The following PRKG1 variants were observed in gnomAD, a reference collection of about 807,000 sequenced individuals.
PRKG1 encodes cGMP-dependent protein kinase 1.
PRKG1 carries 35 observed loss-of-function variants against 88.1 expected under a neutral mutation model. That is an observed-to-expected ratio of 0.40 (90% CI 0.30 to 0.53). The LOEUF (loss-of-function observed/expected upper bound fraction) is 0.53, where lower values mean the gene tolerates loss of function less well. Ranked by LOEUF, PRKG1 falls within the 20% of genes least tolerant of loss-of-function variation. The probability of loss-of-function intolerance (pLI) is 0.59; values close to 1 mark genes in which losing one functional copy is unlikely to be tolerated. For missense variants in PRKG1, 540 were observed against 839.8 expected (o/e 0.64, Z 4.41); for synonymous variants, 303 against 292.5 (o/e 1.04, Z -0.37).
intron 4 of PRKG1, among the ~76,000 whole-genome samples, chr10:51,902,079 A>C (rs1201666957): frequency 2.0e-5 from 3 of 151,982 alleles, no homozygotes; most frequent in African/African-American, 7.2e-5. Flanking sequence ...TCTATTCTTA[A>C]ATTAAGAAAA....
At position 51,996,198 on chromosome 10, in the gene PRKG1, C is replaced by T. The variant is rs182497820; in HGVS notation, c.763-58286C>T. ...CACGTGGTGGCGCATGCCTGTAGTC[C>T]CAGCTACTCAGGAGGCTTTGACAGG... On this transcript the variant is annotated intron_variant, in intron 5 of 17. Coordinates refer to ENST00000373980, the MANE Select transcript of PRKG1 (RefSeq NM_006258.4). Among the ~76,000 whole-genome samples, 11 of 151,394 alleles carry T rather than the reference C, an allele frequency of 7.3e-5. 1 individual carries two copies. In the East Asian group the frequency reaches 2.1e-3, roughly 30 times the overall value.
At chr10:51,092,153 G>A (rs1242606049) in intron 1 of PRKG1, among the ~76,000 whole-genome samples, 1 of 152,170 alleles carries the variant, frequency 6.6e-6, no homozygotes, top group African/African-American at 2.4e-5. Flanking sequence ...TGATCAGAGA[G>A]CTGTTTGTGA....
At chr10:52,065,069 G>A (rs1201261113) in intron 7 of PRKG1, among the ~76,000 whole-genome samples, 1 of 152,128 alleles carries the variant, frequency 6.6e-6, no homozygotes, top group African/African-American at 2.4e-5. Flanking sequence ...AAGACATCAA[G>A]AAGCAAGCAC....
intron 2 of PRKG1, among the ~76,000 whole-genome samples, chr10:51,348,848 T>A (rs1041120990): frequency 6.6e-6 from 1 of 152,226 alleles, no homozygotes; most frequent in Admixed American, 6.5e-5. Context: ...TGAGTTTCCC[T>A]GATTTGTGTA....
At chr10:51,477,717 G>C (rs137883550) in intron 3 of PRKG1, among the ~76,000 whole-genome samples, 1 of 151,978 alleles carries the variant, frequency 6.6e-6, no homozygotes, top group Admixed American at 6.6e-5. Flanking sequence ...GAAATAATCT[G>C]GAAGGGAGTT....
chr10:51,697,613 G>A, intron 3 of PRKG1: 1 of 1,265,112 alleles, frequency 7.9e-7, no homozygotes. Flanking sequence ...ATCCAAGTGT[G>A]GGGATACAGA....
In PRKG1 at chr10:52,288,798, T is replaced by A; in HGVS notation, c.1782T>A (p.Phe594Leu). The A allele has an allele frequency of 3.7e-6, 6 of 1,607,858 alleles. No individual in the cohort carries two copies. Among genetic ancestry groups the A allele is most frequent in the Non-Finnish European group, 5.1e-6 (6 of 1,177,336 alleles). ...IILRGIDMIEFPKKIAKNAAN... is the reference protein window; with the variant it reads ...IILRGIDMIELPKKIAKNAAN... ...TGAGGGGGATTGACATGATAGAATT[T>A]CCAAAGAAGATTGCCAAAAATGCTG... The change falls in exon 15 of 18, where the codon TTT becomes TTA. Residue 594 changes from phenylalanine (F) to leucine (L), a missense_variant. This residue lies in a region of PRKG1 where 97 missense variants were observed against 210.6 expected (regional missense o/e 0.46). Coordinates refer to ENST00000373980, the MANE Select transcript of PRKG1 (RefSeq NM_006258.4).
At position 52,222,000 on chromosome 10, in the gene PRKG1, T is replaced by A. The variant is rs180835923; in HGVS notation, c.1077-29570T>A. On this transcript the variant is annotated intron_variant, in intron 9 of 17. Coordinates refer to ENST00000373980, the MANE Select transcript of PRKG1 (RefSeq NM_006258.4). ...GATGGGTAAATATCATTGATTTATGTTGGGCTTTGGAGTCGGTAAGGGTGG... is the reference window on the plus strand; with the variant it reads ...GATGGGTAAATATCATTGATTTATGATGGGCTTTGGAGTCGGTAAGGGTGG... 2.1e-3 allele frequency among the ~76,000 whole-genome samples: 322 copies of A among 152,298 alleles called. 2 individuals are homozygous for A. The highest frequency in any genetic ancestry group is 2.0e-3 in the Non-Finnish European group (139 of 68,014).
intron 5 of PRKG1, among the ~76,000 whole-genome samples, chr10:51,961,691 A>G (rs1843452135): frequency 6.6e-6 from 1 of 152,158 alleles, no homozygotes; most frequent in African/African-American, 2.4e-5. Context: ...CCTCCCTCCC[A>G]CAAGCTGTTA....
chr10:51,432,608 A>G (rs1341063529), intron 2 of PRKG1, among the ~76,000 whole-genome samples: 5 of 152,170 alleles, frequency 3.3e-5, no homozygotes, highest in Admixed American at 3.3e-4. Context: ...AAGTGGCAAT[A>G]GTCGCTGGAA....
In PRKG1 at chr10:51,586,110, T is replaced by C. The variant is rs180770572; in HGVS notation, c.592+118274T>C. 1.2e-4 allele frequency among the ~76,000 whole-genome samples: 18 copies of C among 152,138 alleles called. No homozygotes were observed. In the East Asian group the frequency reaches 2.5e-3, roughly 21 times the overall value. The stretch of plus-strand genomic sequence containing the variant: ...TACCCATTTTACAAACCTGCACATA[T>C]ACCTTCTGAATCAAAAATAAATGTT... On this transcript the variant is annotated intron_variant, in intron 3 of 17. Transcript: ENST00000373980.
intron 3 of PRKG1, among the ~76,000 whole-genome samples, chr10:51,700,549 A>C (rs1841439426): frequency 6.6e-6 from 1 of 152,180 alleles, no homozygotes; most frequent in South Asian, 2.1e-4. Flanking sequence ...CTTTGCAGGT[A>C]GGAGTTAAAA....
chr10:52,035,046 G>C (rs1845571310), intron 5 of PRKG1, among the ~76,000 whole-genome samples: 1 of 152,274 alleles, frequency 6.6e-6, no homozygotes. Flanking sequence ...TGAATACTAA[G>C]AGCCTGAAAA....
At chr10:51,067,117 C>T (rs1377588311) in intron 1 of PRKG1, among the ~76,000 whole-genome samples, 2 of 151,726 alleles carry the variant, frequency 1.3e-5, no homozygotes, top group African/African-American at 2.4e-5. Context: ...ATTAAGTTTC[C>T]AGCATATGAA....
chr10:51,818,667 C>T (rs985858239), intron 4 of PRKG1, among the ~76,000 whole-genome samples: 2 of 152,130 alleles, frequency 1.3e-5, no homozygotes, highest in Non-Finnish European at 2.9e-5. Flanking sequence ...ATTCTCTCTT[C>T]AGTACTGGCT....
chr10:51,716,857 T>C (rs1228163304), intron 3 of PRKG1, among the ~76,000 whole-genome samples: 1 of 152,150 alleles, frequency 6.6e-6, no homozygotes, highest in Non-Finnish European at 1.5e-5. Context: ...CACGCCCGCC[T>C]GGCTAACTTT....
chr10:52,183,173 G>T (rs1468289961), intron 9 of PRKG1, among the ~76,000 whole-genome samples: 1 of 152,160 alleles, frequency 6.6e-6, no homozygotes, highest in African/African-American at 2.4e-5. Flanking sequence ...AACATTGGAG[G>T]TCACATTTCA....
chr10:51,278,357 C>T (rs11591812), intron 2 of PRKG1, among the ~76,000 whole-genome samples: 21,284 of 152,062 alleles, frequency 0.14, 1,606 homozygotes, highest in East Asian at 0.19. Context: ...TCAGTTTGCC[C>T]GTATTCTGTT....
intron 2 of PRKG1, among the ~76,000 whole-genome samples, chr10:51,220,466 G>C (rs555044862): frequency 5.9e-5 from 9 of 152,272 alleles, no homozygotes; most frequent in Non-Finnish European, 1.3e-4. Flanking sequence ...AGACCAAAAG[G>C]CTACTTAAAA....
Sources: gnomAD v4.1 joint callset for allele counts (sites outside exome capture counted in the v4.1 genomes callset) on GRCh38, gnomAD v4.1.1 for gene constraint, gnomAD v4.1.1 regional missense constraint, MANE v1.5 for transcripts, NCBI Gene and HGNC (gene_info 2026-07-23, HGNC 2026-07-21) for gene names.